Variants in LAMA3 observed in about 807,000 individuals in gnomAD.
LAMA3 encodes laminin subunit alpha 3.
In LAMA3, 281 loss-of-function variants were observed where a neutral mutation model predicts 402.0. The ratio of observed to expected loss-of-function variants is 0.70; its 90% CI spans 0.63 to 0.77. LAMA3 has a LOEUF of 0.77. LAMA3 is among the 30% of genes least tolerant of loss of function. The pLI, the probability that LAMA3 is intolerant of heterozygous loss-of-function variation, is 0.00. For missense variants in LAMA3, 3,840 were observed against 4,215.5 expected, an observed-to-expected ratio of 0.91 and a Z score of 2.47; for synonymous variants, 1,431 against 1,558.4, an observed-to-expected ratio of 0.92 and a Z score of 1.93.
intron 10 of LAMA3, among the ~76,000 whole-genome samples, chr18:23,777,183 T>C (rs942909727): frequency 1.3e-5 from 2 of 151,998 alleles, no homozygotes; most frequent in Non-Finnish European, 2.9e-5. Context: ...GAAGTAGTTT[T>C]ATGGCATAAA....
At chr18:23,726,745 G>A (rs1264855772) in intron 2 of LAMA3, among the ~76,000 whole-genome samples, 1 of 152,116 alleles carries the variant, frequency 6.6e-6, no homozygotes, top group Non-Finnish European at 1.5e-5. Flanking sequence ...AGCCTCTCCA[G>A]TAGCGGGGAT....
Position 23,749,488 on chromosome 18 carries a change from A to T in LAMA3, c.626A>T (p.Asp209Val). ...GAGGCAAATATGGCTGTCACCCGGG[A>T]TGATGATGTACTTTGTGTTACTGAA... Reference protein sequence around the residue: ...GREANMAVTRDDDVLCVTEYS... With the variant: ...GREANMAVTRVDDVLCVTEYS... The change falls in exon 4 of 75, where the codon GAT becomes GTT. Residue 209 changes from aspartate (D) to valine (V), a missense_variant. Physicochemically the swap from Asp to Val is radical, Grantham distance 152 (BLOSUM62 -3). Around this residue, in one of 3 missense-constraint regions of LAMA3, gnomAD observed 2,109 missense variants for 2,376.0 expected, o/e 0.89. Transcript: ENST00000313654. The T allele has an allele frequency of 6.2e-7, 1 of 1,613,410 alleles. No homozygotes were observed. Among genetic ancestry groups the T allele is most frequent in the Non-Finnish European group, 8.5e-7 (1 of 1,179,378 alleles).
intron 44 of LAMA3, among the ~76,000 whole-genome samples, chr18:23,896,883 G>A (rs1414959214): frequency 1.3e-5 from 2 of 152,096 alleles, no homozygotes; most frequent in Non-Finnish European, 2.9e-5. Flanking sequence ...ACTAGACAGG[G>A]CCCAGAGAGC....
chr18:23,793,388 C>T (rs1042879035), intron 12 of LAMA3, among the ~76,000 whole-genome samples: 3 of 151,924 alleles, frequency 2.0e-5, no homozygotes, highest in African/African-American at 7.3e-5. Context: ...GCATCAGAAA[C>T]AGAAAATAAA....
At chr18:23,719,669 CTT>C (rs61144348) in intron 2 of LAMA3, among the ~76,000 whole-genome samples, 14 of 135,656 alleles carry the variant, frequency 1.0e-4, no homozygotes, top group South Asian at 2.5e-4. Flanking sequence ...ATTCTAGAAT[CTT>C]TTTTTTTTTT....
chr18:23,765,051 A>G (rs1016901278), intron 8 of LAMA3, among the ~76,000 whole-genome samples: 2 of 152,262 alleles, frequency 1.3e-5, no homozygotes, highest in Admixed American at 6.5e-5. Flanking sequence ...ATAAGCAGGA[A>G]GATACTGGAG....
intron 68 of LAMA3, 27 bp downstream of exon 68, chr18:23,939,413 A>C (rs749913100): frequency 6.2e-7 from 1 of 1,612,016 alleles, no homozygotes; most frequent in Admixed American, 1.7e-5. Context: ...CTGCCCCAGC[A>C]CCAGCTCAGA....
chr18:23,938,532 C>T (rs1568367380), intron 67 of LAMA3, among the ~76,000 whole-genome samples: 2 of 152,258 alleles, frequency 1.3e-5, no homozygotes, highest in East Asian at 3.9e-4. Context: ...AGGATGTGGT[C>T]CCCTCCCTTC....
At chr18:23,753,615 A>T (rs2061790207) in intron 5 of LAMA3, 106 bp from the exon 6 acceptor site, 2 of 797,642 alleles carry the variant, frequency 2.5e-6, no homozygotes, top group African/African-American at 3.4e-5. Context: ...AAGAATACGG[A>T]ATTTTAAAAG....
Position 23,950,135 on chromosome 18 carries a change from A to G in LAMA3, c.9618A>G (p.Leu3206=). 1 of 1,614,012 alleles carries G rather than the reference A, an allele frequency of 6.2e-7. No homozygotes were observed. The highest frequency in any genetic ancestry group is 8.5e-7 in the Non-Finnish European group (1 of 1,180,008). The change falls in exon 72 of 75, where the codon TTA becomes TTG. Residue 3206 remains leucine, a synonymous_variant. Transcript: ENST00000313654. Reference sequence around the variant, plus strand: ...TCGGAAGTCAGCCCGGGAAGCACTTATGTGTTTACCTGGAGGCAGGAAAGG... The same window carrying G: ...TCGGAAGTCAGCCCGGGAAGCACTTGTGTGTTTACCTGGAGGCAGGAAAGG... ...IHIGSQPGKH[L]CVYLEAGKVT...
Position 23,815,267 on chromosome 18 carries a change from C to A in LAMA3, c.1941+27C>A, listed in dbSNP as rs760870877. On this transcript the variant is annotated intron_variant, in intron 16 of 74. Transcript: ENST00000313654. ...TAAAGTGGGCTGAGTTTTCATGTGA[C>A]AACAGCAGAATGCTACAGCAACTGC... 7 of 1,608,372 alleles carry A rather than the reference C, an allele frequency of 4.4e-6. No homozygotes were observed. In the Admixed American group the frequency reaches 1.0e-4, roughly 23 times the overall value.
chr18:23,916,005 CCAAAAAAAAAAAAAAAA>C (rs1213807366), intron 59 of LAMA3, among the ~76,000 whole-genome samples: 1 of 41,946 alleles, frequency 2.4e-5, no homozygotes, highest in Non-Finnish European at 3.6e-5. Context: ...GACTCCATCT[CCAAAAAAAAAAAAAAAA>C]AAAAAAAAAG....
intron 42 of LAMA3, among the ~76,000 whole-genome samples, chr18:23,893,244 G>A (rs1429368480): frequency 6.6e-6 from 1 of 152,208 alleles, no homozygotes; most frequent in African/African-American, 2.4e-5. Flanking sequence ...AAGGTAGATA[G>A]TTTGTTCAGG....
chr18:23,725,455 G>A (rs1327569962), intron 2 of LAMA3, among the ~76,000 whole-genome samples: 1 of 152,198 alleles, frequency 6.6e-6, no homozygotes, highest in Non-Finnish European at 1.5e-5. Flanking sequence ...CCTTGAGGAG[G>A]GTGCCATGCT....
chr18:23,693,519 A>T, intron 1 of LAMA3, among the ~76,000 whole-genome samples: 1 of 149,414 alleles, frequency 6.7e-6, no homozygotes. Flanking sequence ...CTTGAGAGTG[A>T]GACTCTGTAT....
chr18:23,767,064 T>C (rs1211114570), intron 8 of LAMA3, among the ~76,000 whole-genome samples: 1 of 152,106 alleles, frequency 6.6e-6, no homozygotes, highest in Non-Finnish European at 1.5e-5. Context: ...GCACCAATAA[T>C]GTTCAAGCTG....
chr18:23,776,576 T>C (rs796843942), intron 10 of LAMA3, among the ~76,000 whole-genome samples: 7 of 152,294 alleles, frequency 4.6e-5, no homozygotes, highest in African/African-American at 1.7e-4. Context: ...TCTCTCTGTA[T>C]CACTCTATCA....
Position 23,846,429 on chromosome 18 carries a change from G to A in LAMA3, c.3852G>A (p.Gln1284=). 6.2e-7 allele frequency: 1 copy of A among 1,613,958 alleles called. No homozygotes were observed. The highest frequency in any genetic ancestry group is 8.5e-7 in the Non-Finnish European group (1 of 1,180,038). Residue 1284 remains glutamine (Q), a synonymous_variant, in exon 31 of 75, where the codon CAG becomes CAA. Coordinates refer to ENST00000313654, the MANE Select transcript of LAMA3 (RefSeq NM_198129.4). ...CTCACTGCAGCCCTGAGGGTGGGCAGTGCCCATGCCAGCCCAACGTCATCG... is the reference window on the plus strand; with the variant it reads ...CTCACTGCAGCCCTGAGGGTGGGCAATGCCCATGCCAGCCCAACGTCATCG... ...TGPHCSPEGG[Q]CPCQPNVIGR... is the part of the protein sequence containing the mutation.
chr18:23,760,856 T>C lies in LAMA3; in HGVS notation c.1063+2345T>C, dbSNP rs2061952555. Among the ~76,000 whole-genome samples the C allele has an allele frequency of 2.0e-5, 3 of 152,138 alleles. No individual in the cohort carries two copies. The South Asian group carries it at 6.2e-4, about 32-fold the overall frequency. On this transcript the variant is annotated intron_variant, in intron 7 of 74. Transcript: ENST00000313654. ...TGGTGAGGGCCTGCTTTCTGGTTCATAGATGCCACTTTCTTGCTGTGTCCT... is the reference window on the plus strand; with the variant it reads ...TGGTGAGGGCCTGCTTTCTGGTTCACAGATGCCACTTTCTTGCTGTGTCCT...
Sources: gnomAD v4.1 joint callset for allele counts (sites outside exome capture counted in the v4.1 genomes callset) on GRCh38, gnomAD v4.1.1 for gene constraint, gnomAD v4.1.1 regional missense constraint, MANE v1.5 for transcripts, NCBI Gene and HGNC (gene_info 2026-07-23, HGNC 2026-07-21) for gene names.